Variants in CSMD1 observed in about 807,000 individuals in gnomAD.
CSMD1 encodes CUB and Sushi multiple domains 1.
Under a neutral mutation model 417.5 loss-of-function variants are expected in CSMD1, and 213 were observed. The observed-to-expected ratio is 0.51, with a 90% confidence interval of 0.46 to 0.57. The LOEUF (loss-of-function observed/expected upper bound fraction) is 0.57, where lower values mean the gene tolerates loss of function less well. Ranked by LOEUF, CSMD1 falls within the 20% of genes least tolerant of loss-of-function variation. CSMD1 has a pLI of 0.00. For synonymous variants in CSMD1, 2,862 were observed against 1,736.8 expected (o/e 1.65, Z -16.11); for missense variants, 6,923 against 4,529.7 (o/e 1.53, Z -15.17).
chr8:3,264,603 C>T (rs1563201906), intron 26 of CSMD1, among the ~76,000 whole-genome samples: 1 of 152,156 alleles, frequency 6.6e-6, no homozygotes, highest in Non-Finnish European at 1.5e-5. Context: ...TTTATATTTG[C>T]AGAAAACGTA....
chr8:3,207,254 C>G (rs760363420), intron 30 of CSMD1, among the ~76,000 whole-genome samples: 2 of 149,122 alleles, frequency 1.3e-5, no homozygotes, highest in Non-Finnish European at 3.0e-5. Context: ...TCAAACGATT[C>G]TCTTGCCTCA....
chr8:4,349,264 G>A (rs1043017298), intron 3 of CSMD1, among the ~76,000 whole-genome samples: 1 of 152,224 alleles, frequency 6.6e-6, no homozygotes, highest in Non-Finnish European at 1.5e-5. Context: ...CAGACCAGTG[G>A]TTTTCAAAAA....
intron 10 of CSMD1, among the ~76,000 whole-genome samples, chr8:3,562,105 C>G (rs1017775180): frequency 1.3e-5 from 2 of 148,322 alleles, no homozygotes; most frequent in African/African-American, 5.1e-5. Flanking sequence ...ATGAACATAA[C>G]CATATGAGGG....
intron 9 of CSMD1, among the ~76,000 whole-genome samples, chr8:3,576,157 G>C (rs114549135): frequency 6.6e-6 from 1 of 151,944 alleles, no homozygotes; most frequent in Non-Finnish European, 1.5e-5. Context: ...CAGCACAACA[G>C]GACTTGTGAC....
chr8:3,720,313 A>T (rs1334918445), intron 6 of CSMD1, among the ~76,000 whole-genome samples: 1 of 152,142 alleles, frequency 6.6e-6, no homozygotes, highest in Non-Finnish European at 1.5e-5. Context: ...AAGAAAGGGG[A>T]GAGAGAGGAG....
chr8:4,398,385 C>CTTTTT lies in CSMD1; in HGVS notation c.415+21567_415+21568insAAAAA, dbSNP rs1317009143. Among the ~76,000 whole-genome samples, 1,071 of 117,948 alleles carry CTTTTT rather than the reference C, an allele frequency of 9.1e-3. 59 individuals carry two copies. Among genetic ancestry groups the CTTTTT allele is most frequent in the Middle Eastern group, 0.011 (2 of 176 alleles). The allele number at this position is 117,948 out of a possible 152,430, so 77.4% of individuals were successfully genotyped here. ...CTCTTTTTAAATTGTCTTGCTGCAA[C>CTTTTT]TTCTTTTTTTTTTTTTTTTTTTTGT... On this transcript the variant is annotated intron_variant, in intron 3 of 69. Coordinates refer to ENST00000635120, the MANE Select transcript of CSMD1 (RefSeq NM_033225.6).
Position 4,837,525 on chromosome 8 carries a change from G to A in CSMD1, c.85+156807C>T, listed in dbSNP as rs540495832. 3.3e-5 allele frequency among the ~76,000 whole-genome samples: 5 copies of A among 152,262 alleles called. No homozygotes were observed. The East Asian group carries it at 7.7e-4, about 23-fold the overall frequency. Reference sequence around the variant, plus strand: ...AAACACAAAAGTATAGCTTTTTGCAGCTTTGGTTCTTATCTGTGGAATCTA... The same window carrying A: ...AAACACAAAAGTATAGCTTTTTGCAACTTTGGTTCTTATCTGTGGAATCTA... On this transcript the variant is annotated intron_variant, in intron 1 of 69. Coordinates refer to ENST00000635120, the MANE Select transcript of CSMD1 (RefSeq NM_033225.6).
At chr8:4,250,234 G>A (rs1236250594) in intron 3 of CSMD1, among the ~76,000 whole-genome samples, 3 of 152,114 alleles carry the variant, frequency 2.0e-5, no homozygotes, top group Admixed American at 6.5e-5. Context: ...CAACACAAAT[G>A]TACTAAGACA....
At chr8:4,252,132 T>A (rs1279632082) in intron 3 of CSMD1, among the ~76,000 whole-genome samples, 1 of 152,106 alleles carries the variant, frequency 6.6e-6, no homozygotes, top group African/African-American at 2.4e-5. Flanking sequence ...AAACACACAA[T>A]TTCAGTTTTG....
chr8:4,758,755 G>T (rs1328544301), intron 1 of CSMD1, among the ~76,000 whole-genome samples: 1 of 152,156 alleles, frequency 6.6e-6, no homozygotes, highest in Non-Finnish European at 1.5e-5. Context: ...GAAACCACCA[G>T]ATCTGGTGAG....
At position 4,200,443 on chromosome 8, in the gene CSMD1, C is replaced by T. The variant is rs182517244; in HGVS notation, c.416-168344G>A. Among the ~76,000 whole-genome samples the T allele has an allele frequency of 2.0e-5, 3 of 152,262 alleles. No individual in the cohort carries two copies. The South Asian group carries it at 6.2e-4, about 32-fold the overall frequency. The stretch of plus-strand genomic sequence containing the variant: ...AAAAGAATAACCCCACAGCCGTCTA[C>T]TCAACACTCTTATGGTTTAAGTGAC... On this transcript the variant is annotated intron_variant, in intron 3 of 69. Coordinates refer to ENST00000635120, the MANE Select transcript of CSMD1 (RefSeq NM_033225.6).
chr8:4,839,435 T>A, intron 1 of CSMD1, among the ~76,000 whole-genome samples: 1 of 152,302 alleles, frequency 6.6e-6, no homozygotes, highest in East Asian at 1.9e-4. Context: ...TTTCTAGTTC[T>A]GAAAAAAAGT....
At chr8:4,234,650 C>G (rs143663393) in intron 3 of CSMD1, among the ~76,000 whole-genome samples, 3 of 152,198 alleles carry the variant, frequency 2.0e-5, no homozygotes, top group African/African-American at 7.2e-5. Flanking sequence ...TTGCACCTGA[C>G]GAATAGATGG....
chr8:3,494,768 G>A (rs951186668), intron 10 of CSMD1, among the ~76,000 whole-genome samples: 1 of 152,154 alleles, frequency 6.6e-6, no homozygotes, highest in Non-Finnish European at 1.5e-5. Context: ...AGAAGGGACA[G>A]GAGGAACAGA....
chr8:2,992,644 C>T (rs987361962), intron 54 of CSMD1, among the ~76,000 whole-genome samples: 1 of 152,030 alleles, frequency 6.6e-6, no homozygotes, highest in African/African-American at 2.4e-5. Flanking sequence ...TCAGGCTGGT[C>T]TCGAACTCCT....
At chr8:4,059,314 G>A (rs1037482740) in intron 3 of CSMD1, among the ~76,000 whole-genome samples, 16 of 103,090 alleles carry the variant, frequency 1.6e-4, no homozygotes, top group African/African-American at 4.8e-4. Context: ...GAAATTTATA[G>A]CACTAAATGT....
At chr8:3,717,418 A>G (rs1801902657) in intron 6 of CSMD1, among the ~76,000 whole-genome samples, 1 of 133,324 alleles carries the variant, frequency 7.5e-6, no homozygotes, top group South Asian at 2.8e-4. Flanking sequence ...TTTCTTTTCC[A>G]TGAAATGCTT....
intron 3 of CSMD1, among the ~76,000 whole-genome samples, chr8:4,332,564 C>T (rs1348335092): frequency 1.3e-4 from 5 of 38,774 alleles, no homozygotes; most frequent in South Asian, 7.9e-4. Context: ...CACACACACA[C>T]ACACACACAC....
intron 23 of CSMD1, among the ~76,000 whole-genome samples, chr8:3,315,532 C>T (rs569381514): frequency 2.6e-5 from 4 of 151,384 alleles, no homozygotes; most frequent in Admixed American, 6.6e-5. Flanking sequence ...CAAATTGAGT[C>T]CTCTTGTTAG....
Sources: gnomAD v4.1 joint callset for allele counts (sites outside exome capture counted in the v4.1 genomes callset) on GRCh38, gnomAD v4.1.1 for gene constraint, MANE v1.5 for transcripts, NCBI Gene and HGNC (gene_info 2026-07-23, HGNC 2026-07-21) for gene names.